RPP30: variants seen among roughly 807,000 people sequenced by gnomAD.
RPP30 encodes ribonuclease P protein subunit p30.
RPP30 carries 36 observed loss-of-function variants against 38.6 expected under a neutral mutation model. That is an observed-to-expected ratio of 0.93 (90% CI 0.71 to 1.23). The LOEUF (loss-of-function observed/expected upper bound fraction) is 1.23. Ranked by LOEUF, RPP30 falls within the 50% of genes most tolerant of loss-of-function variation. The pLI, the probability that RPP30 is intolerant of heterozygous loss-of-function variation, is 0.00. For synonymous variants in RPP30, 126 were observed against 112.7 expected (o/e 1.12, Z -0.75); for missense variants, 321 against 321.7 (o/e 1.00, Z 0.02).
chr10:90,874,106 C>G (rs1589492658), intron 1 of RPP30, among the ~76,000 whole-genome samples: 1 of 84,806 alleles, frequency 1.2e-5, no homozygotes, highest in East Asian at 2.7e-4. Flanking sequence ...GGAAGTTGGA[C>G]AAACTGTTGA....
chr10:90,878,382 T>C (rs1200938494), intron 4 of RPP30, among the ~76,000 whole-genome samples: 1 of 152,204 alleles, frequency 6.6e-6, no homozygotes, highest in Non-Finnish European at 1.5e-5. Flanking sequence ...AATACCACAC[T>C]TTATTCCATA....
downstream of RPP30, among the ~76,000 whole-genome samples, chr10:90,904,113 G>C (rs1286188388): frequency 6.6e-6 from 1 of 152,132 alleles, no homozygotes; most frequent in Non-Finnish European, 1.5e-5. Context: ...AACCTAATGG[G>C]AGGGACTTAC....
At chr10:90,898,020 ACCTTGTTCATT>A (rs1847162805) in intron 10 of RPP30, among the ~76,000 whole-genome samples, 1 of 152,014 alleles carries the variant, frequency 6.6e-6, no homozygotes, top group African/African-American at 2.4e-5. Context: ...CATATACTAG[ACCTTGTTCATT>A]CTATTTTTTT....
downstream of RPP30, among the ~76,000 whole-genome samples, chr10:90,902,998 TTGA>T (rs1847220155): frequency 6.6e-6 from 1 of 152,110 alleles, no homozygotes; most frequent in African/African-American, 2.4e-5. Context: ...AATATGAAAA[TTGA>T]TGAGCTATTG....
Position 90,900,752 on chromosome 10 carries a change from C to T in RPP30, c.*73C>T. On this transcript the variant is annotated 3_prime_UTR_variant, in exon 11 of 11. Coordinates refer to ENST00000371703, the MANE Select transcript of RPP30 (RefSeq NM_006413.5). ...TTCATCAGCCACAACAAAAATAAAA[C>T]CTTTGTGTGATTTACTGTTTTCATT... The T allele has an allele frequency of 6.6e-7, 1 of 1,520,886 alleles. No homozygotes were observed. The highest frequency in any genetic ancestry group is 2.2e-5 in the Admixed American group (1 of 44,888). 94.2% of individuals were successfully genotyped at this position (1,520,886 alleles called of 1,614,324 possible).
chr10:90,891,974 G>A (rs1475714916), intron 6 of RPP30, among the ~76,000 whole-genome samples: 1 of 152,108 alleles, frequency 6.6e-6, no homozygotes, highest in Non-Finnish European at 1.5e-5. Flanking sequence ...AAATTAACAG[G>A]GAATCAGTAT....
intron 10 of RPP30, among the ~76,000 whole-genome samples, chr10:90,899,550 A>G (rs1019816935): frequency 6.6e-6 from 1 of 152,096 alleles, no homozygotes; most frequent in South Asian, 2.1e-4. Context: ...TCATGACACT[A>G]TGGCCTTTCA....
At chr10:90,890,832 G>C (rs1268830960) in intron 6 of RPP30, among the ~76,000 whole-genome samples, 1 of 150,504 alleles carries the variant, frequency 6.6e-6, no homozygotes, top group African/African-American at 2.4e-5. Flanking sequence ...AAAAAAAGAT[G>C]AACAATACCA....
chr10:90,904,601 T>C (rs1029225374), downstream of RPP30, among the ~76,000 whole-genome samples: 2 of 152,108 alleles, frequency 1.3e-5, no homozygotes, highest in Non-Finnish European at 2.9e-5. Context: ...TAACTTGAGG[T>C]CAGGAGTTCA....
intron 6 of RPP30, among the ~76,000 whole-genome samples, chr10:90,892,995 G>A (rs1419774588): frequency 6.6e-6 from 1 of 152,090 alleles, no homozygotes; most frequent in African/African-American, 2.4e-5. Flanking sequence ...CGTTCAACTA[G>A]GACAGAAATA....
chr10:90,905,416 C>G (rs1410935757), downstream of RPP30: 1 of 152,260 alleles, frequency 6.6e-6, no homozygotes, highest in Non-Finnish European at 1.5e-5. Flanking sequence ...GCCTGGCCCA[C>G]TGGCCTCGGT....
intron 4 of RPP30, among the ~76,000 whole-genome samples, chr10:90,876,647 C>T (rs553571001): frequency 2.6e-5 from 4 of 152,138 alleles, no homozygotes; most frequent in South Asian, 2.1e-4. Context: ...CTAAGGAAAA[C>T]GTGGTATTTT....
intron 5 of RPP30, among the ~76,000 whole-genome samples, chr10:90,885,243 G>A (rs1012701189): frequency 3.5e-4 from 54 of 152,166 alleles, no homozygotes; most frequent in Admixed American, 3.3e-3. Context: ...TTGCTTTGTA[G>A]TAGCTCTGCT....
rs753622009 is a variant in RPP30, at chr10:90,885,944, C to G, written c.432+43C>G. On this transcript the variant is annotated intron_variant, in intron 6 of 10. Transcript: ENST00000371703. ...TCTGTATTTGAATCTTAGAAACTTA[C>G]ATTAGCAAATTGGAAAAGAAGCAGA... 3.2e-6 allele frequency: 4 copies of G among 1,247,494 alleles called. No individual in the cohort carries two copies. The South Asian group carries it at 5.3e-5, about 16-fold the overall frequency. The allele number at this position is 1,247,494 out of a possible 1,614,324, so 77.3% of individuals were successfully genotyped here.
At position 90,900,757 on chromosome 10, in the gene RPP30, G is replaced by GT. The variant is rs1847191097; in HGVS notation, c.*79dup. 6.6e-7 allele frequency: 1 copy of GT among 1,515,238 alleles called. No individual in the cohort carries two copies. Among genetic ancestry groups the GT allele is most frequent in the Non-Finnish European group, 8.8e-7 (1 of 1,134,916 alleles). The allele number at this position is 1,515,238 out of a possible 1,614,324, so 93.9% of individuals were successfully genotyped here. A position where few individuals can be genotyped will look rare whatever the true frequency, so the allele number is the denominator to read the frequency against. ...CAGCCACAACAAAAATAAAACCTTT[G>GT]TGTGATTTACTGTTTTCATTTGGAG... On this transcript the variant is annotated 3_prime_UTR_variant, in exon 11 of 11. Transcript: ENST00000371703.
At chr10:90,881,442 G>C (rs1306992626) in intron 5 of RPP30, among the ~76,000 whole-genome samples, 1 of 152,120 alleles carries the variant, frequency 6.6e-6, no homozygotes, top group Non-Finnish European at 1.5e-5. Flanking sequence ...TTTGAATTTG[G>C]TGAACACATG....
rs576807340 is a variant in RPP30, at chr10:90,888,282, G to A, written c.432+2381G>A. ...CTGTGACCTTTGATGGGAGGAGCTA[G>A]CATGTGATGTTAAGGCCAAGTCCAT... On this transcript the variant is annotated intron_variant, in intron 6 of 10. Transcript: ENST00000371703. 2.6e-5 allele frequency among the ~76,000 whole-genome samples: 4 copies of A among 152,342 alleles called. No individual in the cohort carries two copies. In the East Asian group the frequency reaches 7.7e-4, roughly 29 times the overall value.
At chr10:90,882,288 T>C (rs1464879581) in intron 5 of RPP30, among the ~76,000 whole-genome samples, 1 of 152,230 alleles carries the variant, frequency 6.6e-6, no homozygotes, top group Non-Finnish European at 1.5e-5. Context: ...TCCAAATATA[T>C]ATATGTTTCT....
In RPP30 at chr10:90,885,906, G is replaced by A; in HGVS notation, c.432+5G>A. ...AAAAGACCTCCTATTAATGTGGTAA[G>A]TGTACTTTCCATTCTGTATTTGAAT... On this transcript the variant is annotated splice_donor_5th_base_variant and intron_variant, in intron 6 of 10. Transcript: ENST00000371703. 4 of 1,542,938 alleles carry A rather than the reference G, an allele frequency of 2.6e-6. No individual in the cohort carries two copies. Among genetic ancestry groups the A allele is most frequent in the Admixed American group, 1.8e-5 (1 of 56,118 alleles).
Sources: allele counts gnomAD v4.1 joint callset (sites outside exome capture counted in the v4.1 genomes callset), GRCh38; gene constraint gnomAD v4.1.1; transcripts MANE v1.5; gene names NCBI Gene and HGNC (gene_info 2026-07-23, HGNC 2026-07-21).